ALDH4A1: variants seen among roughly 807,000 people sequenced by gnomAD.
The protein encoded by ALDH4A1 is aldehyde dehydrogenase 4 family member A1.
A neutral mutation model predicts 70.5 loss-of-function variants in ALDH4A1; 46 were observed. The observed-to-expected ratio is 0.65, with a 90% CI of 0.51 to 0.83. The LOEUF (loss-of-function observed/expected upper bound fraction) is 0.83. Ranked by LOEUF, ALDH4A1 falls within the 40% of genes least tolerant of loss-of-function variation. The pLI is 0.00. For missense variants in ALDH4A1, 749 were observed against 766.5 expected, an observed-to-expected ratio of 0.98 and a Z score of 0.27; for synonymous variants, 323 against 324.3, an observed-to-expected ratio of 1.00 and a Z score of 0.04.
At chr1:18,881,575 C>T in intron 8 of ALDH4A1, 125 bp downstream of exon 8, 1 of 1,036,000 alleles carries the variant, frequency 9.7e-7, no homozygotes. Context: ...CATAGCCACA[C>T]AGCAAGTAAG....
At chr1:18,895,857 C>A (rs1935599145) in intron 1 of ALDH4A1, among the ~76,000 whole-genome samples, 2 of 152,236 alleles carry the variant, frequency 1.3e-5, no homozygotes, top group African/African-American at 4.8e-5. Flanking sequence ...CAGGTCCACA[C>A]CGCAACCAAA....
intron 7 of ALDH4A1, chr1:18,882,615 C>T (rs765861748): frequency 1.9e-6 from 1 of 537,514 alleles, no homozygotes; most frequent in East Asian, 5.4e-5. Context: ...TAAGTCACGG[C>T]TGTGTGTCTC....
chr1:18,886,373 T>C lies in ALDH4A1; in HGVS notation c.297+91A>G, dbSNP rs1223712204. ...GGCCAAAGAAGGACACAGCAACTGA[T>C]GCCCCCTGCCCCCGCCATATCAGCA... On this transcript the variant is annotated intron_variant, in intron 4 of 14. Transcript: ENST00000375341. The C allele has an allele frequency of 4.8e-6, 7 of 1,445,108 alleles. No homozygotes were observed. The East Asian group carries it at 1.4e-4, about 28-fold the overall frequency. The allele number at this position is 1,445,108 out of a possible 1,614,324, so 89.5% of individuals were successfully genotyped here.
intron 1 of ALDH4A1, among the ~76,000 whole-genome samples, chr1:18,892,116 C>T (rs893286634): frequency 3.3e-5 from 5 of 151,800 alleles, no homozygotes; most frequent in African/African-American, 4.8e-5. Flanking sequence ...TAGTGTTCTG[C>T]GGGATTGTTT....
At chr1:18,886,133 T>C (rs570902323) in intron 4 of ALDH4A1, among the ~76,000 whole-genome samples, 2 of 152,228 alleles carry the variant, frequency 1.3e-5, no homozygotes, top group African/African-American at 4.8e-5. Context: ...TTTCCATCAA[T>C]GGTGTCTCCA....
chr1:18,880,290 AC>A lies in ALDH4A1; in HGVS notation c.867-918del, dbSNP rs1934917764. ...CTCCAGGCATCTCCACCCAGATAACACCCGAAGTGACCAACAGGAGATTCAT... is the reference window on the plus strand; with the variant it reads ...CTCCAGGCATCTCCACCCAGATAACACCGAAGTGACCAACAGGAGATTCAT... On this transcript the variant is annotated intron_variant, in intron 8 of 14. Coordinates refer to ENST00000375341, the MANE Select transcript of ALDH4A1 (RefSeq NM_003748.4). The surrounding 1 kb of genome is among the most constrained non-coding windows in gnomAD (Gnocchi z 5.1). 1.3e-5 allele frequency among the ~76,000 whole-genome samples: 2 copies of A among 151,842 alleles called. No individual in the cohort carries two copies. Among genetic ancestry groups the A allele is most frequent in the African/African-American group, 4.8e-5 (2 of 41,294 alleles).
rs79637190 is a variant in ALDH4A1, at chr1:18,883,265, C to A, written c.603+14G>T. The A allele has an allele frequency of 6.2e-7, 1 of 1,613,176 alleles. No individual in the cohort carries two copies. The highest frequency in any genetic ancestry group is 1.7e-5 in the Admixed American group (1 of 60,032). On this transcript the variant is annotated intron_variant, in intron 6 of 14. Coordinates refer to ENST00000375341, the MANE Select transcript of ALDH4A1 (RefSeq NM_003748.4). ...GGCTGCCCCGCCTGCTCGCCCACTG[C>A]CTCCTGCAGGTACCTCCAGACCCCG... is the stretch of plus-strand genomic sequence containing the variant.
Position 18,874,554 on chromosome 1 carries a change from C to T in ALDH4A1, c.1488G>A (p.Val496=), listed in dbSNP as rs780190351. 6.2e-7 allele frequency: 1 copy of T among 1,614,106 alleles called. No homozygotes were observed. The highest frequency in any genetic ancestry group is 1.3e-5 in the African/African-American group (1 of 74,950). ...AGAAGTTGCCGGCAGCATTCCTCAGCACCTTTGTGGCCTCCTGCACGACGT... is the reference window on the plus strand; with the variant it reads ...AGAAGTTGCCGGCAGCATTCCTCAGTACCTTTGTGGCCTCCTGCACGACGT... ...DKDVVQEATK[V]LRNAAGNFYI... Residue 496 remains valine, a synonymous_variant, in exon 14 of 15, where the codon GTG becomes GTA. Coordinates refer to ENST00000375341, the MANE Select transcript of ALDH4A1 (RefSeq NM_003748.4).
chr1:18,879,442 G>A (rs1934873827), intron 8 of ALDH4A1, 69 bp from the exon 9 acceptor site: 1 of 1,400,910 alleles, frequency 7.1e-7, no homozygotes, highest in African/African-American at 1.4e-5. Context: ...AAAGCCCAGG[G>A]AGGAGCATTG....
At chr1:18,882,450 A>G (rs28566028) in intron 7 of ALDH4A1, 448,391 of 456,660 alleles carry the variant, frequency 0.98, 220,338 homozygotes, top group South Asian at 1. Flanking sequence ...GCTGGGCTGC[A>G]CCTCCCCCAC....
At chr1:18,893,503 C>CA in intron 1 of ALDH4A1, among the ~76,000 whole-genome samples, 1 of 149,682 alleles carries the variant, frequency 6.7e-6, no homozygotes, top group African/African-American at 2.4e-5. Context: ...AAATCAGTAG[C>CA]TTTTTTTTTT....
intron 1 of ALDH4A1, among the ~76,000 whole-genome samples, chr1:18,899,670 G>A (rs1935735222): frequency 6.6e-6 from 1 of 152,208 alleles, no homozygotes; most frequent in African/African-American, 2.4e-5. Flanking sequence ...GTGAAATGGG[G>A]GTGGTAACCC....
intron 1 of ALDH4A1, among the ~76,000 whole-genome samples, chr1:18,893,187 C>A (rs1480105453): frequency 2.0e-5 from 3 of 152,224 alleles, no homozygotes; most frequent in Non-Finnish European, 4.4e-5. Flanking sequence ...GTGGACAAAT[C>A]CGGAGGCAAA....
chr1:18,901,180 G>T (rs896082412), intron 1 of ALDH4A1, among the ~76,000 whole-genome samples: 1 of 152,180 alleles, frequency 6.6e-6, no homozygotes, highest in Non-Finnish European at 1.5e-5. Flanking sequence ...ATCACACAGG[G>T]AGTATGGCAA....
At chr1:18,890,165 C>G in intron 1 of ALDH4A1, 60 bp from the exon 2 acceptor site, 1 of 1,403,390 alleles carries the variant, frequency 7.1e-7, no homozygotes, top group South Asian at 1.2e-5. Context: ...ACCACCAGAC[C>G]CCAGCCCCTC....
intron 11 of ALDH4A1, among the ~76,000 whole-genome samples, chr1:18,876,698 T>C (rs1291375985): frequency 7.6e-6 from 1 of 131,082 alleles, no homozygotes; most frequent in African/African-American, 3.0e-5. Flanking sequence ...CAAGTGTACG[T>C]GTGTTAGTAC....
rs1346829075 is a variant in ALDH4A1 at position 18,880,581 on chromosome 1, G to C, written c.866+1119C>G. ...TCACAGAGAGATCACTGAGAATGAG[G>C]GTGCCAACACAGGGGCCCAGAGGAG... On this transcript the variant is annotated intron_variant, in intron 8 of 14. Transcript: ENST00000375341. The surrounding 1 kb of genome is among the most constrained non-coding windows in gnomAD (Gnocchi z 5.1). Among the ~76,000 whole-genome samples the C allele has an allele frequency of 6.6e-6, 1 of 152,066 alleles. No homozygotes were observed. The highest frequency in any genetic ancestry group is 1.5e-5 in the Non-Finnish European group (1 of 68,002).
Position 18,872,930 on chromosome 1 carries a change from T to A in ALDH4A1, c.1607A>T (p.His536Leu). ...SGTNDKPGGP[H>L]YILRWTSPQV... ...CGGCGACGTCCAGCGCAGGATGTAG[T>A]GTGGGCCCCCTGGCTTGTCATTGGT... The change falls in exon 15 of 15, where the codon CAC (histidine) becomes CTC (leucine). Residue 536 changes from histidine to leucine, a missense_variant. His to Leu is a moderately conservative substitution (Grantham distance 99). Transcript: ENST00000375341. 6.2e-7 allele frequency: 1 copy of A among 1,614,028 alleles called. No homozygotes were observed. Among genetic ancestry groups the A allele is most frequent in the Non-Finnish European group, 8.5e-7 (1 of 1,180,018 alleles).
intron 5 of ALDH4A1, chr1:18,885,163 G>A (rs1038720770): frequency 7.0e-6 from 3 of 425,754 alleles, no homozygotes; most frequent in Non-Finnish European, 1.3e-5. Flanking sequence ...ACCAAGCTAG[G>A]AGGCAGGGAG....
Sources: allele counts gnomAD v4.1 joint callset (sites outside exome capture counted in the v4.1 genomes callset), GRCh38; gene constraint gnomAD v4.1.1; non-coding constraint Gnocchi (gnomAD v3.1); transcripts MANE v1.5; gene names NCBI Gene and HGNC (gene_info 2026-07-23, HGNC 2026-07-21).